Variants in PDE1C observed in about 807,000 individuals in gnomAD.
PDE1C encodes the protein phosphodiesterase 1C.
PDE1C carries 62 observed loss-of-function variants against 93.1 expected under a neutral mutation model. The ratio of observed to expected loss-of-function variants is 0.67; its 90% CI spans 0.54 to 0.82. PDE1C has a LOEUF of 0.82. PDE1C is among the 40% of genes least tolerant of loss of function. PDE1C has a pLI of 0.00. For synonymous variants in PDE1C, 325 were observed against 310.1 expected (o/e 1.05, Z -0.50); for missense variants, 742 against 884.6 (o/e 0.84, Z 2.04).
At chr7:31,817,471 T>C (rs949975039) in intron 14 of PDE1C, among the ~76,000 whole-genome samples, 4 of 152,034 alleles carry the variant, frequency 2.6e-5, no homozygotes, top group African/African-American at 9.7e-5. Flanking sequence ...GGCAATGAGG[T>C]GGCATTGCAT....
chr7:31,979,690 ATT>A (rs1812131309), intron 2 of PDE1C, among the ~76,000 whole-genome samples: 1 of 152,344 alleles, frequency 6.6e-6, no homozygotes, highest in Non-Finnish European at 1.5e-5. Flanking sequence ...AAGTAAAAAC[ATT>A]TGCAGGTTTT....
rs536270828 is a variant in PDE1C at position 32,399,932 on chromosome 7, T to C, written c.310+27890A>G. 3.9e-5 allele frequency among the ~76,000 whole-genome samples: 6 copies of C among 152,208 alleles called. No individual in the cohort carries two copies. In the East Asian group the frequency reaches 1.2e-3, roughly 29 times the overall value. ...CTCCTAAAGACCCTATCTCCAGATA[T>C]AGTTATATTGTGGGTTAGGGCTTCG... On this transcript the variant is annotated intron_variant, in intron 1 of 1. Transcript: ENST00000672256.
intron 1 of PDE1C, among the ~76,000 whole-genome samples, chr7:32,377,154 A>G (rs531266131): frequency 6.6e-6 from 1 of 152,156 alleles, no homozygotes; most frequent in East Asian, 1.9e-4. Flanking sequence ...TTAGACAACG[A>G]CTCCAGGACA....
chr7:31,651,224 T>A, the PDE1C span: 1 of 1,613,584 alleles, frequency 6.2e-7, no homozygotes, highest in Non-Finnish European at 8.5e-7. Context: ...CAGCACCTTA[T>A]GGGACAGCAG....
chr7:31,619,940 G>A, the PDE1C span, among the ~76,000 whole-genome samples: 1,790 of 152,286 alleles, frequency 0.012, 31 homozygotes, highest in African/African-American at 0.039. Flanking sequence ...AAAAAACGGC[G>A]CACCAGGAGA....
the PDE1C span, chr7:31,644,022 C>A: frequency 1.4e-6 from 2 of 1,416,196 alleles, no homozygotes; most frequent in South Asian, 1.4e-5. Context: ...GGATAATATT[C>A]AGACTTCCTT....
At chr7:31,647,022 T>A in the PDE1C span, among the ~76,000 whole-genome samples, 1 of 152,228 alleles carries the variant, frequency 6.6e-6, no homozygotes, top group Non-Finnish European at 1.5e-5. Context: ...AGAAAACAAT[T>A]CAAACATACA....
chr7:32,084,542 A>C (rs1330603151), intron 3 of PDE1C, among the ~76,000 whole-genome samples: 1 of 151,626 alleles, frequency 6.6e-6, no homozygotes, highest in African/African-American at 2.4e-5. Flanking sequence ...AAATCAACAG[A>C]ATATACATTT....
Position 32,043,715 on chromosome 7 carries a change from T to C in PDE1C, c.128+7839A>G, listed in dbSNP as rs575379663. ...ACTCTCAGTGTTTCCACCCAAAGCT[T>C]GAGTTCCATGTTGCAGGGACTAAAA... On this transcript the variant is annotated intron_variant, in intron 2 of 17. Transcript: ENST00000396191. Among the ~76,000 whole-genome samples the C allele has an allele frequency of 1.3e-4, 20 of 152,226 alleles. No homozygotes were observed. The South Asian group carries it at 4.1e-3, about 32-fold the overall frequency.
At chr7:32,356,617 G>A (rs938457636) in intron 1 of PDE1C, among the ~76,000 whole-genome samples, 7 of 152,168 alleles carry the variant, frequency 4.6e-5, no homozygotes, top group African/African-American at 1.7e-4. Context: ...AAGTACCATG[G>A]ACAGTCTGTC....
intron 1 of PDE1C, among the ~76,000 whole-genome samples, chr7:32,344,446 T>A (rs1783814160): frequency 6.6e-6 from 1 of 152,188 alleles, no homozygotes; most frequent in South Asian, 2.1e-4. Context: ...CAGATTTCCT[T>A]TCTGACTTCA....
At chr7:32,285,036 A>AAAAAAAAGAAAAAAG in intron 1 of PDE1C, among the ~76,000 whole-genome samples, 1 of 151,938 alleles carries the variant, frequency 6.6e-6, no homozygotes, top group Admixed American at 6.6e-5. Flanking sequence ...TCTCAAAAAA[A>AAAAAAAAGAAAAAAG]AAAAAAAGAA....
intron 1 of PDE1C, among the ~76,000 whole-genome samples, chr7:32,425,951 A>G (rs1785521948): frequency 6.6e-6 from 1 of 152,116 alleles, no homozygotes; most frequent in Non-Finnish European, 1.5e-5. Flanking sequence ...TCAAAAAAAA[A>G]GAAAGAGGAA....
the PDE1C span, among the ~76,000 whole-genome samples, chr7:31,727,138 C>G: frequency 8.5e-5 from 13 of 152,216 alleles, no homozygotes. Flanking sequence ...TCCTCAAAGC[C>G]CTTTCCAAAT....
At chr7:31,777,422 G>C (rs554915568) in intron 16 of PDE1C, among the ~76,000 whole-genome samples, 2 of 152,082 alleles carry the variant, frequency 1.3e-5, no homozygotes, top group African/African-American at 2.4e-5. Flanking sequence ...TCCGTCTCCC[G>C]GGTTCAAGCA....
intron 3 of PDE1C, among the ~76,000 whole-genome samples, chr7:32,149,078 C>T (rs528258746): frequency 2.3e-4 from 35 of 152,290 alleles, no homozygotes; most frequent in African/African-American, 7.7e-4. Context: ...ATTGACCACA[C>T]CTGCTCTTCA....
At chr7:31,720,919 A>G in the PDE1C span, among the ~76,000 whole-genome samples, 4 of 152,200 alleles carry the variant, frequency 2.6e-5, no homozygotes, top group Admixed American at 6.5e-5. Context: ...TCTGAAATAA[A>G]GTTCTTCTTG....
At chr7:31,885,896 C>T (rs1402281125) in intron 2 of PDE1C, among the ~76,000 whole-genome samples, 1 of 152,166 alleles carries the variant, frequency 6.6e-6, no homozygotes, top group Non-Finnish European at 1.5e-5. Flanking sequence ...TTAGACCCTA[C>T]TAGAATTTCA....
intron 3 of PDE1C, among the ~76,000 whole-genome samples, chr7:32,108,014 T>TA (rs879884658): frequency 3.3e-5 from 5 of 150,820 alleles, no homozygotes; most frequent in Admixed American, 3.3e-4. Flanking sequence ...TATACTAAGA[T>TA]AAAAAATAAA....
Sources: allele counts gnomAD v4.1 joint callset (sites outside exome capture counted in the v4.1 genomes callset), GRCh38; gene constraint gnomAD v4.1.1; transcripts MANE v1.5; gene names NCBI Gene and HGNC (gene_info 2026-07-23, HGNC 2026-07-21).